Variants in BAIAP3 observed in about 807,000 individuals in gnomAD.
BAIAP3 encodes BAI1 associated protein 3, also known as BAI1-associated protein 3.
Under a neutral mutation model 149.7 loss-of-function variants are expected in BAIAP3, and 180 were observed. The observed-to-expected ratio is 1.20, with a 90% confidence interval of 1.07 to 1.36. The LOEUF (loss-of-function observed/expected upper bound fraction) is 1.36. Among genes scored for constraint, BAIAP3 ranks in the 40% most tolerant of loss-of-function variants. The pLI is 0.00. For synonymous variants in BAIAP3, 845 were observed against 670.7 expected (o/e 1.26, Z -4.02); for missense variants, 1,767 against 1,563.4 (o/e 1.13, Z -2.20).
chr16:1,349,233 A>G lies in BAIAP3; in HGVS notation c.*751A>G. On this transcript the variant is annotated 3_prime_UTR_variant, in exon 34 of 34. Transcript: ENST00000426824. ...GGCCCAGTGTGAAAAACAGACTCAC[A>G]AGGGGCTTCTTGGCCTGCAGCTTCA... 3.1e-6 allele frequency: 2 copies of G among 644,382 alleles called. No individual in the cohort carries two copies. Among genetic ancestry groups the G allele is most frequent in the East Asian group, 2.6e-5 (1 of 37,810 alleles). The allele number at this position is 644,382 out of a possible 1,614,324, so 39.9% of individuals were successfully genotyped here.
chr16:1,344,719 C>T (rs776333210), intron 19 of BAIAP3, 21 bp downstream of exon 19: 2 of 1,610,948 alleles, frequency 1.2e-6, no homozygotes, highest in Non-Finnish European at 1.7e-6. Flanking sequence ...CCCCTCAGTG[C>T]TGTCCTGGGG....
In BAIAP3 at chr16:1,339,519, C is replaced by T. The variant is rs1256192845; in HGVS notation, c.324C>T (p.Ala108=). The T allele has an allele frequency of 3.1e-6, 5 of 1,611,888 alleles. No homozygotes were observed. The highest frequency in any genetic ancestry group is 1.7e-5 in the Admixed American group (1 of 59,924). Reference sequence around the variant, plus strand: ...AGGTGGAGATGCTCTACGAGGAGGCCCTGTACACGGTGCTTTACCGCGCGG... The same window carrying T: ...AGGTGGAGATGCTCTACGAGGAGGCTCTGTACACGGTGCTTTACCGCGCGG... ...PEEVEMLYEE[A]LYTVLYRAGT... The change falls in exon 5 of 34, where the codon GCC becomes GCT. Residue 108 remains alanine (A), a synonymous_variant. Transcript: ENST00000426824.
Position 1,338,606 on chromosome 16 carries a change from G to C in BAIAP3, c.57G>C (p.Pro19=). ...SSVLRQVQVC[P]SFRRRTEQDP... ...TGCTCAGGCAGGTGCAGGTGTGCCC[G>C]TCCTTCCGCCGCAGGACTGAGCAGG... The change falls in exon 2 of 34, where the codon CCG becomes CCC. Residue 19 remains proline, a synonymous_variant. Coordinates refer to ENST00000426824, the MANE Select transcript of BAIAP3 (RefSeq NM_001199097.2). 8 of 1,607,084 alleles carry C rather than the reference G, an allele frequency of 5.0e-6. No homozygotes were observed. Among genetic ancestry groups the C allele is most frequent in the Non-Finnish European group, 5.9e-6 (7 of 1,177,518 alleles).
Position 1,347,952 on chromosome 16 carries a change from C to T in BAIAP3, c.3084C>T (p.Val1028=), listed in dbSNP as rs1359509113. Reference sequence around the variant, plus strand: ...GCCCACCGCATCTCTTTCCACTGGTCCGCAGCCAGAGGACCCAGGTGAAGA... The same window carrying T: ...GCCCACCGCATCTCTTTCCACTGGTTCGCAGCCAGAGGACCCAGGTGAAGA... The part of the protein sequence containing the change: ...ELGPPHLFPL[V]RSQRTQVKTR... The change falls in exon 32 of 34, where the codon GTC becomes GTT. Residue 1028 remains valine, a synonymous_variant. Coordinates refer to ENST00000426824, the MANE Select transcript of BAIAP3 (RefSeq NM_001199097.2). The T allele has an allele frequency of 6.2e-7, 1 of 1,612,036 alleles. No individual in the cohort carries two copies. The highest frequency in any genetic ancestry group is 1.7e-5 in the Admixed American group (1 of 60,012).
intron 2 of BAIAP3, 75 bp downstream of exon 2, chr16:1,338,755 C>G: frequency 1.3e-6 from 2 of 1,566,842 alleles, no homozygotes. Context: ...GCCGCCCCTG[C>G]CCCAGCACCC....
chr16:1,337,119 AC>A (rs1306048301), intron 1 of BAIAP3, among the ~76,000 whole-genome samples: 6 of 152,210 alleles, frequency 3.9e-5, no homozygotes, highest in Admixed American at 2.6e-4. Context: ...CTGCACCTGC[AC>A]CCATGCAGAG....
intron 2 of BAIAP3, 28 bp downstream of exon 2, chr16:1,338,708 C>A: frequency 1.3e-6 from 2 of 1,564,144 alleles, no homozygotes; most frequent in Non-Finnish European, 1.7e-6. Context: ...CAGCCCCACA[C>A]GCCCACAGGG....
In BAIAP3 at chr16:1,345,825, T is replaced by C. The variant is rs77380577; in HGVS notation, c.2143T>C (p.Leu715=). The C allele has an allele frequency of 1.1e-4, 174 of 1,579,210 alleles. 1 individual carries two copies. In the East Asian group the frequency reaches 3.9e-3, roughly 35 times the overall value. The change falls in exon 23 of 34, where the codon TTG becomes CTG. Residue 715 remains leucine, a synonymous_variant. Transcript: ENST00000426824. ...TCTCTGCCTCAGCCACATCCAGGAG[T>C]TGTGGGTGCGCCTGGCGTGGCCTGA... is the stretch of plus-strand genomic sequence containing the variant. The part of the protein sequence containing the change: ...AGLCLSHIQE[L]WVRLAWPDPA...
intron 25 of BAIAP3, 33 bp from the exon 26 acceptor site, chr16:1,346,409 C>G (rs757899127): frequency 1.2e-6 from 2 of 1,611,930 alleles, no homozygotes; most frequent in Non-Finnish European, 1.7e-6. Flanking sequence ...CCTGGTGCCC[C>G]CTGCCCGTGC....
In BAIAP3 at chr16:1,347,818, A is replaced by G; in HGVS notation, c.3022A>G (p.Asn1008Asp). 6.2e-7 allele frequency: 1 copy of G among 1,603,812 alleles called. No individual in the cohort carries two copies. Among genetic ancestry groups the G allele is most frequent in the African/African-American group, 1.3e-5 (1 of 74,910 alleles). ...CGCGGACCTGCTCCCCCTGGACGCC[A>G]ACGGTGAGTTGCAGCGGGGACGGGT... Reference protein sequence around the residue: ...HAADLLPLDANGLSDPFVIVE... With the variant: ...HAADLLPLDADGLSDPFVIVE... Residue 1008 changes from asparagine to aspartate, a missense_variant, in exon 31 of 34, where the codon AAC (asparagine) becomes GAC (aspartate). Coordinates refer to ENST00000426824, the MANE Select transcript of BAIAP3 (RefSeq NM_001199097.2).
In BAIAP3 at chr16:1,347,444, T is replaced by C. The variant is rs545562281; in HGVS notation, c.2823+75T>C. ...TCAAACTGCAGCCCCACACGGGCTG[T>C]GTCCTTGAGCATGAGGTGGCCCCAC... On this transcript the variant is annotated intron_variant, in intron 29 of 33. Transcript: ENST00000426824. 464 of 1,591,100 alleles carry C rather than the reference T, an allele frequency of 2.9e-4. 5 individuals are homozygous for C. The East Asian group carries it at 0.011, about 36-fold the overall frequency.
Position 1,342,981 on chromosome 16 carries a change from C to G in BAIAP3, c.1230C>G (p.Ala410=), listed in dbSNP as rs755367581. 11 of 1,610,858 alleles carry G rather than the reference C, an allele frequency of 6.8e-6. No homozygotes were observed. The highest frequency in any genetic ancestry group is 1.1e-5 in the South Asian group (1 of 91,062). The change falls in exon 14 of 34, where the codon GCC becomes GCG. Residue 410 remains alanine, a synonymous_variant. Transcript: ENST00000426824. ...PAATILCLHG[A]QSNLSPLQLA... The stretch of plus-strand genomic sequence containing the variant: ...CCACCATCCTCTGCCTGCACGGAGC[C>G]CAGAGCAACCTGTCACCCTTGCAGC...
Position 1,344,119 on chromosome 16 carries a change from C to T in BAIAP3, c.1484C>T (p.Ala495Val). 1 of 1,612,016 alleles carries T rather than the reference C, an allele frequency of 6.2e-7. No individual in the cohort carries two copies. The highest frequency in any genetic ancestry group is 8.5e-7 in the Non-Finnish European group (1 of 1,179,830). The part of the protein sequence containing the change: ...RDYFPATNST[A>V]VHRLELLLKC... ...TACTTCCCTGCCACCAACAGCACCG[C>T]TGTCCACCGCCTGGAGCTGCTGCTG... Residue 495 changes from alanine (A) to valine (V), a missense_variant, in exon 16 of 34, where the codon GCT becomes GTT. Transcript: ENST00000426824.
chr16:1,340,157 G>GACACGC (rs2033801259), intron 5 of BAIAP3, among the ~76,000 whole-genome samples: 3 of 106,398 alleles, frequency 2.8e-5, no homozygotes, highest in Admixed American at 1.0e-4. Context: ...GGTGCACACA[G>GACACGC]ACACACGCAC....
rs1469346067 is a variant in BAIAP3 at position 1,343,472 on chromosome 16, C to A, written c.1345C>A (p.Gln449Lys). The A allele has an allele frequency of 6.9e-6, 11 of 1,602,684 alleles. No homozygotes were observed. In the East Asian group the frequency reaches 9.0e-5, roughly 13 times the overall value. The change falls in exon 15 of 34, where the codon CAG becomes AAG. Residue 449 changes from glutamine to lysine, a missense_variant. Coordinates refer to ENST00000426824, the MANE Select transcript of BAIAP3 (RefSeq NM_001199097.2). ...CCTGCTGGGGCTGCTGGAGGACATGCAGGCACACTGGGAAGAGGCTCCTTC... is the reference window on the plus strand; with the variant it reads ...CCTGCTGGGGCTGCTGGAGGACATGAAGGCACACTGGGAAGAGGCTCCTTC... ...SYLLGLLEDM[Q>K]AHWEEAPSLP... is the part of the protein sequence containing the mutation.
intron 1 of BAIAP3, chr16:1,334,488 G>A: frequency 4.8e-6 from 3 of 627,310 alleles, no homozygotes; most frequent in Non-Finnish European, 5.6e-6. Flanking sequence ...AGCAGAGGGA[G>A]GAGGGAGCGC....
chr16:1,347,787 G>A lies in BAIAP3; in HGVS notation c.2991G>A (p.Leu997=). 1 of 1,608,520 alleles carries A rather than the reference G, an allele frequency of 6.2e-7. No homozygotes were observed. Among genetic ancestry groups the A allele is most frequent in the South Asian group, 1.1e-5 (1 of 90,886 alleles). The change falls in exon 31 of 34, where the codon CTG becomes CTA. Residue 997 remains leucine, a synonymous_variant. Coordinates refer to ENST00000426824, the MANE Select transcript of BAIAP3 (RefSeq NM_001199097.2). ...AAEQRLAVEV[L]HAADLLPLDA... is the part of the protein sequence containing the mutation. ...AGCAGCGGCTGGCCGTGGAGGTGCT[G>A]CACGCCGCGGACCTGCTCCCCCTGG...
At chr16:1,345,462 C>T (rs1313496705) in intron 22 of BAIAP3, 90 bp downstream of exon 22, 1 of 1,387,428 alleles carries the variant, frequency 7.2e-7, no homozygotes, top group Non-Finnish European at 9.5e-7. Context: ...CCCCAGCAAC[C>T]CCCAGCCTCC....
At chr16:1,343,096 G>A (rs2034040642) in intron 14 of BAIAP3, 80 bp downstream of exon 14, 1 of 1,356,722 alleles carries the variant, frequency 7.4e-7, no homozygotes, top group African/African-American at 1.4e-5. Context: ...TGCGGTGAGT[G>A]GATGTCGTGG....
Sources: gnomAD v4.1 joint callset for allele counts (sites outside exome capture counted in the v4.1 genomes callset) on GRCh38, gnomAD v4.1.1 for gene constraint, MANE v1.5 for transcripts, NCBI Gene and HGNC (gene_info 2026-07-23, HGNC 2026-07-21) for gene names.